Variants in DCAF1 observed in about 807,000 individuals in gnomAD.
DCAF1 encodes DDB1 and CUL4 associated factor 1.
Under a neutral mutation model 128.0 loss-of-function variants are expected in DCAF1, and 15 were observed. That is an observed-to-expected ratio of 0.12 (90% CI 0.08 to 0.18). The LOEUF is 0.18. Among genes scored for constraint, DCAF1 ranks in the 10% least tolerant of loss-of-function variants. The pLI is 1.00. For synonymous variants in DCAF1, 610 were observed against 603.0 expected (o/e 1.01, Z -0.17); for missense variants, 988 against 1,649.5 (o/e 0.60, Z 6.95).
chr3:51,399,243 C>A (rs2106744105), intron 24 of DCAF1, among the ~76,000 whole-genome samples: 1 of 152,330 alleles, frequency 6.6e-6, no homozygotes. Flanking sequence ...CCCCAAGAGA[C>A]CACTAGAAAG....
chr3:51,500,304 C>A (rs1168561899), upstream of DCAF1, among the ~76,000 whole-genome samples: 2 of 151,976 alleles, frequency 1.3e-5, no homozygotes, highest in African/African-American at 4.8e-5. Context: ...TACTCATTGG[C>A]TGCTTCGGAA....
rs1559482451 is a variant in DCAF1 at position 51,414,863 on chromosome 3, G to A, written c.3604-6C>T. Reference sequence around the variant, plus strand: ...CCAGTCTGAATATCATAAATCTTTAGAGAAGAAGGGATGGGAAGAGAAAAA... The same window carrying A: ...CCAGTCTGAATATCATAAATCTTTAAAGAAGAAGGGATGGGAAGAGAAAAA... On this transcript the variant is annotated splice_region_variant and splice_polypyrimidine_tract_variant and intron_variant, in intron 18 of 24. Coordinates refer to ENST00000684031, the MANE Select transcript of DCAF1 (RefSeq NM_001387579.1). The A allele has an allele frequency of 6.2e-7, 1 of 1,609,878 alleles. No homozygotes were observed. The highest frequency in any genetic ancestry group is 8.5e-7 in the Non-Finnish European group (1 of 1,176,702).
rs959192770 is a variant in DCAF1 at position 51,427,433 on chromosome 3, A to C, written c.1786T>G (p.Cys596Gly). The change falls in exon 13 of 25, where the codon TGT becomes GGT. Residue 596 changes from cysteine to glycine, a missense_variant. Coordinates refer to ENST00000684031, the MANE Select transcript of DCAF1 (RefSeq NM_001387579.1). ...ATAAGCTGCAACAAGAGTTGCACAC[A>C]AGAAAGTTTGAGGAAAACTTCAGCT... ...EPAEVFLKLS[C>G]VQLLLQLISI... 1.3e-6 allele frequency: 1 copy of C among 780,334 alleles called. No individual in the cohort carries two copies. The highest frequency in any genetic ancestry group is 1.7e-5 in the African/African-American group (1 of 59,228). 48.3% of individuals were successfully genotyped at this position (780,334 alleles called of 1,614,324 possible). A position where few individuals can be genotyped will look rare whatever the true frequency, so the allele number is the denominator to read the frequency against.
At chr3:51,479,846 G>A (rs894971399) in intron 3 of DCAF1, among the ~76,000 whole-genome samples, 14 of 151,820 alleles carry the variant, frequency 9.2e-5, no homozygotes, top group African/African-American at 3.4e-4. Flanking sequence ...GGTATAATGG[G>A]GGAAAATTAA....
chr3:51,431,646 A>G (rs1700393779), intron 10 of DCAF1, among the ~76,000 whole-genome samples: 1 of 152,086 alleles, frequency 6.6e-6, no homozygotes, highest in Non-Finnish European at 1.5e-5. Flanking sequence ...ATAACAAACT[A>G]TTTGTTAATA....
intron 3 of DCAF1, among the ~76,000 whole-genome samples, chr3:51,483,201 G>C (rs971475172): frequency 6.8e-6 from 1 of 147,310 alleles, no homozygotes; most frequent in Non-Finnish European, 1.5e-5. Context: ...TTTGGGAGGA[G>C]GCCAAGGCGG....
At chr3:51,447,412 A>AAAAT (rs1161395614) in intron 6 of DCAF1, among the ~76,000 whole-genome samples, 7 of 152,010 alleles carry the variant, frequency 4.6e-5, no homozygotes, top group South Asian at 2.1e-4. Flanking sequence ...TGTCTCTCAA[A>AAAAT]AAATAAATAA....
Position 51,441,891 on chromosome 3 carries a change from T to C in DCAF1, c.520A>G (p.Ile174Val), listed in dbSNP as rs545632453. The C allele has an allele frequency of 7.5e-6, 12 of 1,601,048 alleles. No individual in the cohort carries two copies. The African/African-American group carries it at 1.3e-4, about 18-fold the overall frequency. ...AGCTCCCTCAGTCTTCGAAGCACTA[T>C]TGCCACCTATCAACAGATAATTGGA... ...YRDENSQLVA[I>V]VLRRLRELQL... is the part of the protein sequence containing the mutation. The change falls in exon 8 of 25, where the codon ATA becomes GTA. Residue 174 changes from isoleucine to valine, a missense_variant. Ile to Val is a conservative substitution (Grantham distance 29). Coordinates refer to ENST00000684031, the MANE Select transcript of DCAF1 (RefSeq NM_001387579.1).
chr3:51,460,675 A>G (rs1238807383), intron 6 of DCAF1, among the ~76,000 whole-genome samples: 26 of 152,342 alleles, frequency 1.7e-4, no homozygotes, highest in African/African-American at 5.3e-4. Flanking sequence ...ACAAGGCTAC[A>G]GTAACCAAAA....
At chr3:51,408,675 C>T (rs575244954) in intron 23 of DCAF1, among the ~76,000 whole-genome samples, 28 of 152,266 alleles carry the variant, frequency 1.8e-4, no homozygotes, top group Non-Finnish European at 3.5e-4. Context: ...CTAGAAGGAG[C>T]ATGGATCAAC....
chr3:51,484,686 T>C (rs928803914), intron 2 of DCAF1, among the ~76,000 whole-genome samples: 2 of 147,670 alleles, frequency 1.4e-5, no homozygotes, highest in East Asian at 2.0e-4. Context: ...TTTTTTCTTT[T>C]TTTTTTTTTT....
At chr3:51,492,156 C>CAA (rs781990527) in intron 2 of DCAF1, among the ~76,000 whole-genome samples, 4 of 101,710 alleles carry the variant, frequency 3.9e-5, no homozygotes, top group South Asian at 3.0e-4. Flanking sequence ...AGACCCGTCT[C>CAA]AAAAAAAAAA....
chr3:51,487,120 C>T lies in DCAF1; in HGVS notation c.-8-3284G>A, dbSNP rs144651090. Reference sequence around the variant, plus strand: ...CCAAGTAGCTGGGATTACAGGCGCACACCACCACACCCAGCTAATTTTTGT... The same window carrying T: ...CCAAGTAGCTGGGATTACAGGCGCATACCACCACACCCAGCTAATTTTTGT... On this transcript the variant is annotated intron_variant, in intron 2 of 24. Transcript: ENST00000684031. Among the ~76,000 whole-genome samples, 21 of 151,804 alleles carry T rather than the reference C, an allele frequency of 1.4e-4. No homozygotes were observed. In the East Asian group the frequency reaches 4.1e-3, roughly 29 times the overall value.
chr3:51,433,029 C>T (rs1328937487), intron 10 of DCAF1, 77 bp downstream of exon 10: 1 of 397,692 alleles, frequency 2.5e-6, no homozygotes, highest in African/African-American at 2.1e-5. Context: ...ATCCAAAAGT[C>T]ATTCTGCGAA....
At chr3:51,466,376 G>C (rs1553646498) in intron 5 of DCAF1, among the ~76,000 whole-genome samples, 1 of 152,090 alleles carries the variant, frequency 6.6e-6, no homozygotes, top group African/African-American at 2.4e-5. Flanking sequence ...AATTTGTTGA[G>C]CAATTACTAT....
At chr3:51,502,301 G>A (rs947148374), upstream of DCAF1, among the ~76,000 whole-genome samples, 1 of 152,114 alleles carries the variant, frequency 6.6e-6, no homozygotes, top group African/African-American at 2.4e-5. Flanking sequence ...GCACTTTGAG[G>A]GGCTGAGAAT....
intron 16 of DCAF1, 54 bp downstream of exon 16, chr3:51,418,624 T>C (rs1553631325): frequency 1.3e-6 from 2 of 1,557,730 alleles, no homozygotes; most frequent in Non-Finnish European, 1.7e-6. Context: ...TTACTCTAGT[T>C]CACCAATTCA....
chr3:51,491,887 G>A (rs1254581034), intron 2 of DCAF1, among the ~76,000 whole-genome samples: 2 of 152,072 alleles, frequency 1.3e-5, no homozygotes, highest in Non-Finnish European at 2.9e-5. Flanking sequence ...ACTTGGCACA[G>A]TGGCTCACGC....
chr3:51,421,083 T>C (rs1699348437), intron 14 of DCAF1, 86 bp from the exon 15 acceptor site: 1 of 1,440,720 alleles, frequency 6.9e-7, no homozygotes, highest in Non-Finnish European at 9.3e-7. Flanking sequence ...TTTGGTGTTC[T>C]ACTCACTTTT....
Sources: allele counts gnomAD v4.1 joint callset (sites outside exome capture counted in the v4.1 genomes callset), GRCh38; gene constraint gnomAD v4.1.1; transcripts MANE v1.5; gene names NCBI Gene and HGNC (gene_info 2026-07-23, HGNC 2026-07-21).